Variants in FAN1 observed in about 807,000 individuals in gnomAD.
FAN1 encodes the protein fanconi-associated nuclease 1.
A neutral mutation model predicts 104.9 loss-of-function variants in FAN1; 91 were observed. The ratio of observed to expected loss-of-function variants is 0.87; its 90% confidence interval spans 0.73 to 1.03. The LOEUF (loss-of-function observed/expected upper bound fraction) is 1.03, where lower values mean the gene tolerates loss of function less well. FAN1 is among the 50% of genes least tolerant of loss of function. The probability of loss-of-function intolerance (pLI) is 0.00; values close to 1 mark genes in which losing one functional copy is unlikely to be tolerated. For missense variants in FAN1, 1,263 were observed against 1,239.9 expected (o/e 1.02, Z -0.28); for synonymous variants, 478 against 457.6 (o/e 1.04, Z -0.57).
intron 6 of FAN1, 120 bp from the exon 7 acceptor site, chr15:30,920,425 A>G (rs2062299108): frequency 1.4e-6 from 1 of 692,422 alleles, no homozygotes; most frequent in Non-Finnish European, 2.5e-6. Context: ...TACACAACTG[A>G]AAGTATTTAG....
intron 6 of FAN1, among the ~76,000 whole-genome samples, chr15:30,919,692 GAAAAAA>G (rs57795513): frequency 1.5e-4 from 20 of 129,376 alleles, no homozygotes; most frequent in Middle Eastern, 7.9e-3. Context: ...CTGTCTCGGG[GAAAAAA>G]AAAAAAAAAA....
chr15:30,912,104 C>G (rs1056508759), intron 4 of FAN1, among the ~76,000 whole-genome samples: 4 of 151,690 alleles, frequency 2.6e-5, no homozygotes, highest in Non-Finnish European at 4.4e-5. Context: ...GGTATATGCA[C>G]TTAGCATAGA....
At chr15:30,924,833 G>C (rs1479314361) in intron 8 of FAN1, among the ~76,000 whole-genome samples, 1 of 152,120 alleles carries the variant, frequency 6.6e-6, no homozygotes, top group Non-Finnish European at 1.5e-5. Flanking sequence ...GTAAAGTCAG[G>C]TACCCCTGAG....
chr15:30,940,310 AC>A (rs915276897), intron 14 of FAN1: 6 of 985,408 alleles, frequency 6.1e-6, no homozygotes, highest in Non-Finnish European at 6.0e-6. Context: ...CAAGCAAACA[AC>A]TGTGTCTGCT....
rs773502379 is a variant in FAN1 at position 30,904,703 on chromosome 15, C to T, written c.40C>T (p.Arg14Cys). The change falls in exon 2 of 15, where the codon CGT becomes TGT. Residue 14 changes from arginine to cysteine, a missense_variant. Arg to Cys is a radical substitution (Grantham distance 180, BLOSUM62 -3). Transcript: ENST00000362065. ...GAAACCTCCTGACAAAAAAAGGCCT[C>T]GTAGAAGCTTATCAATCAGCAAGAA... The part of the protein sequence containing the change: ...EGKPPDKKRP[R>C]RSLSISKNKK... 8.1e-6 allele frequency: 13 copies of T among 1,608,222 alleles called. No homozygotes were observed. Among genetic ancestry groups the T allele is most frequent in the South Asian group, 6.6e-5 (6 of 90,598 alleles).
rs1447311382 is a variant in FAN1 at position 30,904,590 on chromosome 15, A to AGT, written c.-73_-72dup. ...GGTGATTTCAAGTCAAGAAAGTAAA[A>AGT]GTAAACCATTGCTATCTTTCACCTT... is the stretch of plus-strand genomic sequence containing the variant. On this transcript the variant is annotated 5_prime_UTR_variant, in exon 2 of 15. The change creates a premature stop within an existing upstream ORF in the 5' untranslated region. Coordinates refer to ENST00000362065, the MANE Select transcript of FAN1 (RefSeq NM_014967.5). 2 of 1,448,950 alleles carry AGT rather than the reference A, an allele frequency of 1.4e-6. No individual in the cohort carries two copies. The highest frequency in any genetic ancestry group is 1.7e-5 in the Admixed American group (1 of 59,696). 89.8% of individuals were successfully genotyped at this position (1,448,950 alleles called of 1,614,324 possible).
chr15:30,918,314 A>T lies in FAN1; in HGVS notation c.1943+19A>T. The stretch of plus-strand genomic sequence containing the variant: ...CTCTGAGGTGAGAGTTTTTCTAGGT[A>T]CCTGCCAAAATTTATACATTGACCA... On this transcript the variant is annotated intron_variant, in intron 6 of 14. Transcript: ENST00000362065. The T allele has an allele frequency of 6.2e-7, 1 of 1,613,410 alleles. No homozygotes were observed. The highest frequency in any genetic ancestry group is 8.5e-7 in the Non-Finnish European group (1 of 1,179,646).
At chr15:30,922,086 T>C in intron 7 of FAN1, 149 bp from the exon 8 acceptor site, 1 of 985,976 alleles carries the variant, frequency 1.0e-6, no homozygotes, top group Admixed American at 2.7e-5. Context: ...TCAAAGTCCC[T>C]GTCCTGTCAG....
intron 10 of FAN1, chr15:30,927,994 C>G: frequency 2.0e-6 from 2 of 985,830 alleles, no homozygotes; most frequent in Non-Finnish European, 2.4e-6. Context: ...TCTGTAAAAG[C>G]CTTGACTATC....
At chr15:30,925,359 T>C in intron 9 of FAN1, 68 bp downstream of exon 9, 1 of 1,413,056 alleles carries the variant, frequency 7.1e-7, no homozygotes, top group Non-Finnish European at 9.7e-7. Context: ...ACCAGAAGCA[T>C]CCTAAGAGCT....
In FAN1 at chr15:30,942,025, A is replaced by G. The variant is rs759943139; in HGVS notation, c.*463A>G. The G allele has an allele frequency of 2.5e-5, 41 of 1,613,822 alleles. No individual in the cohort carries two copies. In the East Asian group the frequency reaches 8.9e-4, roughly 35 times the overall value. ...GTAATTCTTGGTCACTGATGATTCCATTCTTTAAGGCAGACGGCATTCCTC... is the reference window on the plus strand; with the variant it reads ...GTAATTCTTGGTCACTGATGATTCCGTTCTTTAAGGCAGACGGCATTCCTC... On this transcript the variant is annotated 3_prime_UTR_variant, in exon 15 of 15. Transcript: ENST00000362065.
In FAN1 at chr15:30,905,116, T is replaced by A; in HGVS notation, c.453T>A (p.Cys151Ter). Residue 151 changes from cysteine to a stop codon, truncating the protein, a stop_gained, in exon 2 of 15, where the codon TGT (cysteine) becomes TGA (stop). Coordinates refer to ENST00000362065, the MANE Select transcript of FAN1 (RefSeq NM_014967.5). LOFTEE classifies it high-confidence loss of function. ...GAAATCGTAGTGTGAAAGTCATTTG[T>A]TTGGGAAGCCTAGCATCTAAATTGT... is the stretch of plus-strand genomic sequence containing the variant. ...ELRNRSVKVI[C>*]LGSLASKLSR... 6.2e-7 allele frequency: 1 copy of A among 1,614,082 alleles called. No individual in the cohort carries two copies. The highest frequency in any genetic ancestry group is 1.1e-5 in the South Asian group (1 of 91,084).
intron 13 of FAN1, among the ~76,000 whole-genome samples, chr15:30,932,542 GA>G (rs2062739877): frequency 6.6e-6 from 1 of 152,018 alleles, no homozygotes; most frequent in Non-Finnish European, 1.5e-5. Flanking sequence ...TATGGGCCTG[GA>G]GATTTTGGGG....
At chr15:30,940,754 T>G (rs1194275206) in intron 14 of FAN1, 3 of 989,832 alleles carry the variant, frequency 3.0e-6, no homozygotes, top group Non-Finnish European at 3.6e-6. Context: ...CAATGGGATT[T>G]TCCCACCCCA....
chr15:30,936,712 T>C (rs1361266320), intron 13 of FAN1, among the ~76,000 whole-genome samples: 1 of 152,232 alleles, frequency 6.6e-6, no homozygotes, highest in Non-Finnish European at 1.5e-5. Context: ...ATAGCTTAGC[T>C]TAGCCTACCT....
At position 30,942,549 on chromosome 15, in the gene FAN1, T is replaced by C. The variant is rs1243291353; in HGVS notation, c.*987T>C. 1 of 334,144 alleles carries C rather than the reference T, an allele frequency of 3.0e-6. No homozygotes were observed. Among genetic ancestry groups the C allele is most frequent in the Admixed American group, 4.4e-5 (1 of 22,638 alleles). The allele number at this position is 334,144 out of a possible 1,614,324, so 20.7% of individuals were successfully genotyped here. ...AATGAATGTTATTAGGACAAGAATA[T>C]AGCAGTCAGGAGGCCATGACTACAT... is the stretch of plus-strand genomic sequence containing the variant. On this transcript the variant is annotated 3_prime_UTR_variant, in exon 15 of 15. Coordinates refer to ENST00000362065, the MANE Select transcript of FAN1 (RefSeq NM_014967.5).
intron 2 of FAN1, chr15:30,906,447 T>C (rs1170159353): frequency 2.2e-5 from 10 of 456,628 alleles, no homozygotes; most frequent in Middle Eastern, 3.2e-4. Flanking sequence ...ACATTAAAAA[T>C]ACTAGTCTAT....
At chr15:30,909,671 C>T (rs1333099145) in intron 3 of FAN1, among the ~76,000 whole-genome samples, 1 of 152,224 alleles carries the variant, frequency 6.6e-6, no homozygotes, top group African/African-American at 2.4e-5. Flanking sequence ...CTGTCCCTCT[C>T]GCTTTCTGCC....
Position 30,929,272 on chromosome 15 carries a change from C to T in FAN1, c.2662C>T (p.Gln888Ter). 1.9e-6 allele frequency: 3 copies of T among 1,613,590 alleles called. No individual in the cohort carries two copies. Among genetic ancestry groups the T allele is most frequent in the Non-Finnish European group, 2.5e-6 (3 of 1,179,812 alleles). ...ACGCCCAGCCCTTGAGGCCAGGCTGCAGCTGATTCATGATGCCCCCGAGGA... is the reference window on the plus strand; with the variant it reads ...ACGCCCAGCCCTTGAGGCCAGGCTGTAGCTGATTCATGATGCCCCCGAGGA... ...SRRPALEARL[Q>*]LIHDAPEESL... Residue 888 changes from glutamine to a stop codon, truncating the protein, a stop_gained, in exon 12 of 15, where the codon CAG (glutamine) becomes TAG (stop). Transcript: ENST00000362065. LOFTEE classifies it high-confidence loss of function.
Sources: gnomAD v4.1 joint callset for allele counts (sites outside exome capture counted in the v4.1 genomes callset) on GRCh38, gnomAD v4.1.1 for gene constraint, MANE v1.5 for transcripts, NCBI Gene and HGNC (gene_info 2026-07-23, HGNC 2026-07-21) for gene names.